Variants in SEC24D observed in about 807,000 individuals in gnomAD.
SEC24D encodes protein transport protein Sec24D.
SEC24D carries 69 observed loss-of-function variants against 116.9 expected under a neutral mutation model. The observed-to-expected ratio is 0.59, with a 90% confidence interval of 0.49 to 0.72. The LOEUF (loss-of-function observed/expected upper bound fraction) is 0.72, where lower values mean the gene tolerates loss of function less well. Ranked by LOEUF, SEC24D falls within the 30% of genes least tolerant of loss-of-function variation. The pLI, the probability that SEC24D is intolerant of heterozygous loss-of-function variation, is 0.00. For missense variants in SEC24D, 1,131 were observed against 1,264.1 expected (o/e 0.89, Z 1.60); for synonymous variants, 405 against 442.8 (o/e 0.91, Z 1.07).
intron 8 of SEC24D, among the ~76,000 whole-genome samples, chr4:118,778,899 T>G (rs1390449803): frequency 6.6e-6 from 1 of 151,848 alleles, no homozygotes; most frequent in East Asian, 1.9e-4. Context: ...TTTGACTCTC[T>G]GTTTGTCTGT....
At chr4:118,757,381 C>A (rs925185134) in intron 11 of SEC24D, among the ~76,000 whole-genome samples, 1 of 152,202 alleles carries the variant, frequency 6.6e-6, no homozygotes, top group Admixed American at 6.6e-5. Context: ...CCATGCTCAG[C>A]AACTACTAGT....
chr4:118,769,379 T>C (rs1262016268), intron 8 of SEC24D, among the ~76,000 whole-genome samples: 1 of 152,200 alleles, frequency 6.6e-6, no homozygotes, highest in Non-Finnish European at 1.5e-5. Context: ...ACCACAGAGA[T>C]ACTTGTTTTT....
rs1729238654 is a variant in SEC24D at position 118,797,666 on chromosome 4, T to C, written c.1041+17A>G. On this transcript the variant is annotated intron_variant, in intron 8 of 22. Transcript: ENST00000280551. ...GAATTGATAAATTATTGAATTGCTATTATATATCATTCTTACCTCATTTGA... is the reference window on the plus strand; with the variant it reads ...GAATTGATAAATTATTGAATTGCTACTATATATCATTCTTACCTCATTTGA... 1.3e-6 allele frequency: 2 copies of C among 1,550,244 alleles called. No individual in the cohort carries two copies. The highest frequency in any genetic ancestry group is 4.5e-5 in the East Asian group (2 of 44,154).
intron 13 of SEC24D, among the ~76,000 whole-genome samples, chr4:118,750,310 A>AT (rs1349508323): frequency 6.6e-6 from 1 of 152,124 alleles, no homozygotes; most frequent in Non-Finnish European, 1.5e-5. Flanking sequence ...TGCTTTATAT[A>AT]TTTTTTCTTT....
intron 8 of SEC24D, among the ~76,000 whole-genome samples, chr4:118,793,685 T>A (rs1181415114): frequency 1.3e-5 from 2 of 152,186 alleles, no homozygotes; most frequent in East Asian, 3.8e-4. Flanking sequence ...ACAGTCCTTA[T>A]TTTTTGACTT....
rs1317322092 is a variant in SEC24D at position 118,723,000 on chromosome 4, A to G, written c.*515T>C. 1 of 152,626 alleles carries G rather than the reference A, an allele frequency of 6.6e-6. No individual in the cohort carries two copies. Among genetic ancestry groups the G allele is most frequent in the Admixed American group, 6.5e-5 (1 of 15,290 alleles). 9.5% of individuals were successfully genotyped at this position (152,626 alleles called of 1,614,324 possible). A position where few individuals can be genotyped will look rare whatever the true frequency, so the allele number is the denominator to read the frequency against. ...TAATTATGAAAAAAATGTAGAACAC[A>G]TATTGTTCTACCAGATAAATCCCAA... On this transcript the variant is annotated 3_prime_UTR_variant, in exon 23 of 23. Coordinates refer to ENST00000280551, the MANE Select transcript of SEC24D (RefSeq NM_014822.4).
At chr4:118,756,606 C>G (rs907845667) in intron 11 of SEC24D, among the ~76,000 whole-genome samples, 2 of 152,040 alleles carry the variant, frequency 1.3e-5, no homozygotes, top group Non-Finnish European at 2.9e-5. Context: ...AACAACCCAC[C>G]CTCCAGAAAA....
At chr4:118,747,263 C>CT (rs200688068) in intron 13 of SEC24D, among the ~76,000 whole-genome samples, 1,408 of 128,174 alleles carry the variant, frequency 0.011, 19 homozygotes, top group African/African-American at 0.027. Context: ...ATTTCTGTAG[C>CT]TTTTTTTTTT....
intron 10 of SEC24D, among the ~76,000 whole-genome samples, chr4:118,761,293 T>G (rs1296338186): frequency 6.6e-6 from 1 of 152,202 alleles, no homozygotes; most frequent in Non-Finnish European, 1.5e-5. Flanking sequence ...CATGGATGAA[T>G]GAATGGAACA....
chr4:118,835,782 G>A (rs114970257), intron 1 of SEC24D, among the ~76,000 whole-genome samples, 159 bp downstream of exon 1: 7,272 of 152,264 alleles, frequency 0.048, 214 homozygotes, highest in Non-Finnish European at 0.064. Context: ...AACTGCACTA[G>A]AAGGCTAAAG....
chr4:118,754,317 T>C (rs963638876), intron 11 of SEC24D, among the ~76,000 whole-genome samples: 58 of 152,230 alleles, frequency 3.8e-4, no homozygotes, highest in African/African-American at 1.3e-3. Context: ...CTAACCACTA[T>C]GCTATACTGC....
intron 8 of SEC24D, among the ~76,000 whole-genome samples, chr4:118,777,988 T>C (rs111396486): frequency 0.011 from 1,663 of 152,342 alleles, 17 homozygotes; most frequent in Non-Finnish European, 0.017. Flanking sequence ...TTAAGTTCTT[T>C]GTAGATTCTG....
At chr4:118,727,205 T>G (rs1419094162) in intron 22 of SEC24D, among the ~76,000 whole-genome samples, 1 of 152,238 alleles carries the variant, frequency 6.6e-6, no homozygotes, top group Non-Finnish European at 1.5e-5. Flanking sequence ...TAATTCTTTA[T>G]AGAGATAGCA....
intron 8 of SEC24D, among the ~76,000 whole-genome samples, chr4:118,796,902 G>A (rs753143481): frequency 3.3e-5 from 5 of 152,174 alleles, no homozygotes; most frequent in East Asian, 3.9e-4. Flanking sequence ...TCTGTGGTTC[G>A]GCCTAGCTTA....
intron 20 of SEC24D, among the ~76,000 whole-genome samples, chr4:118,732,071 C>T (rs1474144241): frequency 2.0e-5 from 3 of 152,046 alleles, no homozygotes; most frequent in Non-Finnish European, 4.4e-5. Flanking sequence ...AGCACTGGGC[C>T]AGGGTGGTAG....
chr4:118,739,248 GTCT>G lies in SEC24D; in HGVS notation c.2275_2277del (p.Arg759del). 1 of 1,613,726 alleles carries G rather than the reference GTCT, an allele frequency of 6.2e-7. No individual in the cohort carries two copies. The highest frequency in any genetic ancestry group is 8.5e-7 in the Non-Finnish European group (1 of 1,179,672). ...TTTAAGCCAAGATTGTGAATCCGAA[GTCT>G]TCTTTGACCACTGATTGTCGTGTAA... On this transcript the variant is annotated inframe_deletion, in exon 18 of 23. Transcript: ENST00000280551.
intron 2 of SEC24D, among the ~76,000 whole-genome samples, chr4:118,832,778 T>C (rs544397310): frequency 3.3e-5 from 5 of 152,158 alleles, no homozygotes; most frequent in African/African-American, 7.2e-5. Flanking sequence ...TTTATAATTA[T>C]CATTATAAAT....
intron 11 of SEC24D, among the ~76,000 whole-genome samples, chr4:118,753,095 G>T (rs1031649693): frequency 6.6e-6 from 1 of 151,994 alleles, no homozygotes; most frequent in Admixed American, 6.6e-5. Flanking sequence ...AACTGATAAG[G>T]AAAAAAATCC....
At chr4:118,788,573 C>T (rs779981509) in intron 8 of SEC24D, among the ~76,000 whole-genome samples, 6 of 152,168 alleles carry the variant, frequency 3.9e-5, no homozygotes, top group Non-Finnish European at 8.8e-5. Flanking sequence ...ATAGAAGAAA[C>T]TGAGTTAATT....
Sources: allele counts gnomAD v4.1 joint callset (sites outside exome capture counted in the v4.1 genomes callset), GRCh38; gene constraint gnomAD v4.1.1; transcripts MANE v1.5; gene names NCBI Gene and HGNC (gene_info 2026-07-23, HGNC 2026-07-21).